Variants in CORO2B observed in about 807,000 individuals in gnomAD.
CORO2B encodes coronin 2B.
CORO2B carries 26 observed loss-of-function variants against 58.8 expected under a neutral mutation model. The observed-to-expected ratio is 0.44, with a 90% CI of 0.32 to 0.61. CORO2B has a LOEUF of 0.61. Ranked by LOEUF, CORO2B falls within the 20% of genes least tolerant of loss-of-function variation. The pLI is 0.04. For missense variants in CORO2B, 460 were observed against 645.1 expected (o/e 0.71, Z 3.11); for synonymous variants, 242 against 253.8 (o/e 0.95, Z 0.44).
intron 1 of CORO2B, among the ~76,000 whole-genome samples, chr15:68,595,677 A>C (rs1275985726): frequency 6.6e-6 from 1 of 152,192 alleles, no homozygotes; most frequent in Non-Finnish European, 1.5e-5. Flanking sequence ...CCAAATCTTA[A>C]TACAAAATAC....
chr15:68,646,031 C>A (rs1023676797), intron 2 of CORO2B, among the ~76,000 whole-genome samples: 3 of 152,104 alleles, frequency 2.0e-5, no homozygotes, highest in African/African-American at 4.8e-5. Context: ...ACCTTGGCCT[C>A]CCAAAGTGCT....
chr15:68,630,507 T>G lies in CORO2B; in HGVS notation c.16-14653T>G, dbSNP rs578215197. Among the ~76,000 whole-genome samples the G allele has an allele frequency of 5.3e-5, 8 of 151,978 alleles. No individual in the cohort carries two copies. The East Asian group carries it at 1.4e-3, about 26-fold the overall frequency. The stretch of plus-strand genomic sequence containing the variant: ...CTGGGCCTCCTTAAAATAGCAAAGT[T>G]CTTTGCTGTGGGGGCAGAAAGACCT... On this transcript the variant is annotated intron_variant, in intron 1 of 11. Transcript: ENST00000261861.
intron 2 of CORO2B, among the ~76,000 whole-genome samples, chr15:68,683,496 C>T (rs1902859966): frequency 6.6e-6 from 1 of 152,226 alleles, no homozygotes; most frequent in Non-Finnish European, 1.5e-5. Flanking sequence ...CCACAATTTG[C>T]ATAGATGCTG....
At chr15:68,699,005 C>G (rs1892579432) in intron 3 of CORO2B, among the ~76,000 whole-genome samples, 1 of 152,134 alleles carries the variant, frequency 6.6e-6, no homozygotes, top group African/African-American at 2.4e-5. Context: ...AGGTAGTTAG[C>G]TGGACTTTGG....
At chr15:68,548,319 G>A in the CORO2B span, among the ~76,000 whole-genome samples, 1 of 151,888 alleles carries the variant, frequency 6.6e-6, no homozygotes, top group Non-Finnish European at 1.5e-5. Context: ...TTCTACTAAT[G>A]GCCAGTCTAC....
the CORO2B span, among the ~76,000 whole-genome samples, chr15:68,568,511 TG>T: frequency 1.6e-4 from 25 of 152,154 alleles, no homozygotes; most frequent in African/African-American, 5.6e-4. Context: ...CTGAGGACAC[TG>T]GGACCCCAAA....
the CORO2B span, among the ~76,000 whole-genome samples, chr15:68,544,131 T>C: frequency 2.0e-5 from 3 of 152,204 alleles, no homozygotes; most frequent in Middle Eastern, 3.2e-3. Context: ...AGTGCAGTGA[T>C]CAGAACAGAG....
At chr15:68,591,091 A>G (rs1231451582) in intron 1 of CORO2B, among the ~76,000 whole-genome samples, 1 of 152,224 alleles carries the variant, frequency 6.6e-6, no homozygotes, top group Non-Finnish European at 1.5e-5. Context: ...CACAGGCTGC[A>G]GGACTCAGAA....
intron 3 of CORO2B, among the ~76,000 whole-genome samples, chr15:68,705,436 C>CAAAAAAAAAAAAAAAAAAAA (rs35973911): frequency 8.9e-6 from 1 of 112,818 alleles, no homozygotes; most frequent in African/African-American, 3.6e-5. Flanking sequence ...AACTCTATCT[C>CAAAAAAAAAAAAAAAAAAAA]AAAAAAAAAA....
At chr15:68,723,923 A>C (rs181988963) in intron 11 of CORO2B, among the ~76,000 whole-genome samples, 3 of 152,070 alleles carry the variant, frequency 2.0e-5, no homozygotes. Context: ...AAATAAAAGT[A>C]GGCCGGGGTG....
rs543575198 is a variant in CORO2B at position 68,610,760 on chromosome 15, A to G, written c.15+31483A>G. The stretch of plus-strand genomic sequence containing the variant: ...CAAATAATTTCTGTTTCTGTGAGGC[A>G]GGTTTGGGAGGCCAATAGGGCATCA... On this transcript the variant is annotated intron_variant, in intron 1 of 11. Coordinates refer to ENST00000261861, the MANE Select transcript of CORO2B (RefSeq NM_006091.5). 1.8e-4 allele frequency among the ~76,000 whole-genome samples: 27 copies of G among 152,298 alleles called. No individual in the cohort carries two copies. In the South Asian group the frequency reaches 5.6e-3, roughly 32 times the overall value.
rs769643272 is a variant in CORO2B, at chr15:68,710,705, A to G, written c.334-27A>G. ...AGGGACTTCTTGGCCGTGTCCACCCAGCCTGGACCCTCATCTCCCTCTGCA... is the reference window on the plus strand; with the variant it reads ...AGGGACTTCTTGGCCGTGTCCACCCGGCCTGGACCCTCATCTCCCTCTGCA... On this transcript the variant is annotated intron_variant, in intron 3 of 11. Coordinates refer to ENST00000261861, the MANE Select transcript of CORO2B (RefSeq NM_006091.5). This position sits in a 1 kb window ranked among gnomAD's most constrained non-coding sequence, Gnocchi z 4.1. 6.4e-7 allele frequency: 1 copy of G among 1,562,198 alleles called. No individual in the cohort carries two copies.
chr15:68,597,525 A>G (rs923679183), intron 1 of CORO2B, among the ~76,000 whole-genome samples: 2 of 151,658 alleles, frequency 1.3e-5, no homozygotes, highest in Non-Finnish European at 2.9e-5. Flanking sequence ...TTGCATCCCC[A>G]TTGTGCCCCA....
chr15:68,683,956 A>G lies in CORO2B; in HGVS notation c.217-11184A>G, dbSNP rs16952378. 6.8e-4 allele frequency among the ~76,000 whole-genome samples: 103 copies of G among 152,238 alleles called. 1 individual carries two copies. The East Asian group carries it at 0.019, about 28-fold the overall frequency. On this transcript the variant is annotated intron_variant, in intron 2 of 11. Coordinates refer to ENST00000261861, the MANE Select transcript of CORO2B (RefSeq NM_006091.5). ...ATGACAACAGCTCTGATGCCTGGATAAGGAGTTTGGCTTATAAGGTCTAGA... is the reference window on the plus strand; with the variant it reads ...ATGACAACAGCTCTGATGCCTGGATGAGGAGTTTGGCTTATAAGGTCTAGA...
chr15:68,599,689 C>T (rs575694811), intron 1 of CORO2B, among the ~76,000 whole-genome samples: 2 of 152,290 alleles, frequency 1.3e-5, no homozygotes, highest in African/African-American at 4.8e-5. Context: ...TCAGACCTTC[C>T]ACCCAAGAGA....
intron 2 of CORO2B, among the ~76,000 whole-genome samples, chr15:68,654,339 C>G (rs1345670705): frequency 2.6e-5 from 4 of 152,246 alleles, no homozygotes; most frequent in African/African-American, 9.6e-5. Context: ...ATCCATCCCT[C>G]TCCCTTGGGC....
At chr15:68,705,450 A>AAAAAAAAG (rs1555418286) in intron 3 of CORO2B, among the ~76,000 whole-genome samples, 3 of 151,296 alleles carry the variant, frequency 2.0e-5, no homozygotes, top group African/African-American at 7.3e-5. Context: ...AAAAAAAAAA[A>AAAAAAAAG]AAAAGAAAGT....
intron 1 of CORO2B, among the ~76,000 whole-genome samples, chr15:68,594,851 C>T (rs1476229572): frequency 1.3e-5 from 2 of 152,172 alleles, no homozygotes; most frequent in African/African-American, 4.8e-5. Context: ...ACTTTCCTGG[C>T]GAATCCAAAT....
At chr15:68,636,723 C>T (rs1566991419) in intron 1 of CORO2B, among the ~76,000 whole-genome samples, 1 of 152,224 alleles carries the variant, frequency 6.6e-6, no homozygotes, top group African/African-American at 2.4e-5. Context: ...CTGTACACCC[C>T]ACCCAGGAAC....
Sources: allele counts gnomAD v4.1 joint callset (sites outside exome capture counted in the v4.1 genomes callset), GRCh38; gene constraint gnomAD v4.1.1; non-coding constraint Gnocchi (gnomAD v3.1); transcripts MANE v1.5; gene names NCBI Gene and HGNC (gene_info 2026-07-23, HGNC 2026-07-21).